The following PPP6R3 variants were observed in gnomAD, a reference collection of about 807,000 sequenced individuals.
PPP6R3 encodes protein phosphatase 6 regulatory subunit 3, also known as serine/threonine-protein phosphatase 6 regulatory subunit 3.
A neutral mutation model predicts 110.7 loss-of-function variants in PPP6R3; 38 were observed. That is an observed-to-expected ratio of 0.34 (90% CI 0.26 to 0.45). The LOEUF is 0.45. Ranked by LOEUF, PPP6R3 falls within the 20% of genes least tolerant of loss-of-function variation. The pLI, the probability that PPP6R3 is intolerant of heterozygous loss-of-function variation, is 1.00. For missense variants in PPP6R3, 870 were observed against 1,062.4 expected (o/e 0.82, Z 2.52); for synonymous variants, 369 against 373.5 (o/e 0.99, Z 0.14).
At chr11:68,544,368 C>CTGGTCCA (rs1254112711) in intron 3 of PPP6R3, among the ~76,000 whole-genome samples, 2 of 152,206 alleles carry the variant, frequency 1.3e-5, no homozygotes, top group Non-Finnish European at 2.9e-5. Flanking sequence ...AAGATAAAGG[C>CTGGTCCA]TGGTCCAGGT....
intron 1 of PPP6R3, among the ~76,000 whole-genome samples, chr11:68,469,731 A>T (rs2098776601): frequency 6.6e-6 from 1 of 152,084 alleles, no homozygotes; most frequent in Non-Finnish European, 1.5e-5. Context: ...TTCAAAGAGT[A>T]TATATCAGCA....
At chr11:68,480,929 A>G (rs1321220780) in intron 1 of PPP6R3, among the ~76,000 whole-genome samples, 1 of 152,142 alleles carries the variant, frequency 6.6e-6, no homozygotes, top group Non-Finnish European at 1.5e-5. Context: ...CAGAAATGGG[A>G]ATGATTTCAA....
At chr11:68,564,539 G>A (rs2099449409) in intron 9 of PPP6R3, 107 bp downstream of exon 9, 2 of 1,238,022 alleles carry the variant, frequency 1.6e-6, no homozygotes, top group South Asian at 1.6e-5. Flanking sequence ...TGGTCTGCAT[G>A]TACAAAATGA....
intron 22 of PPP6R3, chr11:68,609,348 A>G: frequency 1.5e-6 from 1 of 648,022 alleles, no homozygotes; most frequent in East Asian, 2.8e-5. Context: ...GATGCAGTCA[A>G]CACGGTGACC....
chr11:68,607,540 T>C (rs74363980), intron 22 of PPP6R3, among the ~76,000 whole-genome samples: 5,260 of 152,322 alleles, frequency 0.035, 286 homozygotes, highest in African/African-American at 0.12. Flanking sequence ...AGGAACCCTA[T>C]AAGATAGGTA....
Position 68,591,714 on chromosome 11 carries a change from A to G in PPP6R3, c.1916+8A>G. The stretch of plus-strand genomic sequence containing the variant: ...ATCCCAAAGACGATCCAGGTGAAAG[A>G]TAGTTGGTTATAGTTGTAATTATAG... On this transcript the variant is annotated splice_region_variant and intron_variant, in intron 18 of 23. Transcript: ENST00000393800. The G allele has an allele frequency of 6.2e-7, 1 of 1,602,004 alleles. No homozygotes were observed. Among genetic ancestry groups the G allele is most frequent in the Non-Finnish European group, 8.5e-7 (1 of 1,175,840 alleles).
intron 5 of PPP6R3, among the ~76,000 whole-genome samples, chr11:68,548,767 G>A (rs2099359142): frequency 6.6e-6 from 1 of 152,160 alleles, no homozygotes; most frequent in Non-Finnish European, 1.5e-5. Context: ...TAGGATGTGT[G>A]CCTCTTGAAT....
intron 1 of PPP6R3, among the ~76,000 whole-genome samples, chr11:68,493,575 G>T (rs947416182): frequency 6.8e-6 from 1 of 147,672 alleles, no homozygotes; most frequent in Admixed American, 6.8e-5. Context: ...AGGACAATAG[G>T]TGTGAGCCAT....
chr11:68,606,309 CTTCT>C (rs1015244835), intron 22 of PPP6R3, among the ~76,000 whole-genome samples: 60 of 151,350 alleles, frequency 4.0e-4, no homozygotes, highest in African/African-American at 1.4e-3. Flanking sequence ...CTCCTTCCTC[CTTCT>C]TTCTTCTTCT....
chr11:68,601,560 C>T (rs1171630618), intron 20 of PPP6R3, among the ~76,000 whole-genome samples: 1 of 152,210 alleles, frequency 6.6e-6, no homozygotes, highest in Admixed American at 6.5e-5. Flanking sequence ...CTCTGGGAGC[C>T]TCCTAGTGAC....
At chr11:68,602,061 C>T (rs1368468638) in intron 21 of PPP6R3, 92 bp downstream of exon 21, 22 of 995,684 alleles carry the variant, frequency 2.2e-5, no homozygotes, top group Non-Finnish European at 2.9e-5. Context: ...TAGTGGAGCC[C>T]GGGAGTGAGA....
chr11:68,585,768 C>T (rs555575376), intron 15 of PPP6R3, among the ~76,000 whole-genome samples: 5 of 152,124 alleles, frequency 3.3e-5, no homozygotes, highest in Non-Finnish European at 5.9e-5. Flanking sequence ...GTGTCTGTGT[C>T]AGTTGCTATG....
chr11:68,521,512 C>T (rs2099164169), intron 2 of PPP6R3, among the ~76,000 whole-genome samples: 1 of 152,168 alleles, frequency 6.6e-6, no homozygotes, highest in African/African-American at 2.4e-5. Context: ...CTCTGCTCGT[C>T]AGCATGCTGT....
At chr11:68,495,927 A>G (rs577862660) in intron 1 of PPP6R3, among the ~76,000 whole-genome samples, 163 of 152,344 alleles carry the variant, frequency 1.1e-3, no homozygotes, top group African/African-American at 3.8e-3. Context: ...CAAAGTGTCT[A>G]CACCATTTTA....
rs543689536 is a variant in PPP6R3, at chr11:68,595,363, C to T, written c.1917-734C>T. On this transcript the variant is annotated intron_variant, in intron 18 of 23. Coordinates refer to ENST00000393800, the MANE Select transcript of PPP6R3 (RefSeq NM_001164161.2). Reference sequence around the variant, plus strand: ...CTGGAGTAGCTGGAATTACAGGTGCCCGCCACCACACCCAGCTAATTTTTG... The same window carrying T: ...CTGGAGTAGCTGGAATTACAGGTGCTCGCCACCACACCCAGCTAATTTTTG... Among the ~76,000 whole-genome samples the T allele has an allele frequency of 2.0e-5, 3 of 151,574 alleles. No homozygotes were observed. In the South Asian group the frequency reaches 6.3e-4, roughly 32 times the overall value.
intron 14 of PPP6R3, among the ~76,000 whole-genome samples, chr11:68,581,004 C>T (rs1291182592): frequency 1.3e-5 from 2 of 152,062 alleles, no homozygotes; most frequent in Admixed American, 1.3e-4. Flanking sequence ...ATCTCCTGAC[C>T]TCGTGATCCG....
chr11:68,547,353 G>A (rs1238280936), intron 4 of PPP6R3, among the ~76,000 whole-genome samples: 5 of 152,160 alleles, frequency 3.3e-5, no homozygotes, highest in Non-Finnish European at 7.3e-5. Context: ...TAGATGACAC[G>A]TGCGCATGGA....
intron 2 of PPP6R3, among the ~76,000 whole-genome samples, chr11:68,524,785 T>G (rs541980058): frequency 1.3e-5 from 2 of 152,376 alleles, no homozygotes; most frequent in East Asian, 3.9e-4. Flanking sequence ...TTTCTGTGCA[T>G]TTTGACAAGC....
At chr11:68,576,555 G>A (rs1158857739) in intron 14 of PPP6R3, among the ~76,000 whole-genome samples, 1 of 152,158 alleles carries the variant, frequency 6.6e-6, no homozygotes, top group East Asian at 1.9e-4. Context: ...TTGAGCCAGG[G>A]AATAATGGCA....
Sources: gnomAD v4.1 joint callset for allele counts (sites outside exome capture counted in the v4.1 genomes callset) on GRCh38, gnomAD v4.1.1 for gene constraint, MANE v1.5 for transcripts, NCBI Gene and HGNC (gene_info 2026-07-23, HGNC 2026-07-21) for gene names.